Variants in RBFOX1 observed in about 807,000 individuals in gnomAD.
The protein encoded by RBFOX1 is RNA binding fox-1 homolog 1.
Under a neutral mutation model 57.7 loss-of-function variants are expected in RBFOX1, and 8 were observed. The ratio of observed to expected loss-of-function variants is 0.14; its 90% CI spans 0.08 to 0.25. The LOEUF is 0.25. Among genes scored for constraint, RBFOX1 ranks in the 10% least tolerant of loss-of-function variants. The pLI is 1.00. For synonymous variants in RBFOX1, 326 were observed against 222.4 expected (o/e 1.47, Z -4.15); for missense variants, 611 against 548.5 (o/e 1.11, Z -1.14).
At chr16:6,491,927 T>C (rs1044915489) in intron 2 of RBFOX1, among the ~76,000 whole-genome samples, 1 of 152,196 alleles carries the variant, frequency 6.6e-6, no homozygotes, top group Non-Finnish European at 1.5e-5. Context: ...ATAACTCTCC[T>C]ATTAGGATTA....
At chr16:6,005,195 G>C (rs556739577) in intron 4 of RBFOX1, among the ~76,000 whole-genome samples, 2 of 152,212 alleles carry the variant, frequency 1.3e-5, no homozygotes, top group East Asian at 1.9e-4. Flanking sequence ...TTTATATTTC[G>C]TTCAAATGTA....
chr16:7,283,695 T>C (rs1241413611), intron 4 of RBFOX1, among the ~76,000 whole-genome samples: 1 of 152,150 alleles, frequency 6.6e-6, no homozygotes, highest in Non-Finnish European at 1.5e-5. Context: ...TGTTGCTTCT[T>C]AGGGTCACCC....
At chr16:5,445,416 G>A (rs2151550289) in intron 1 of RBFOX1, among the ~76,000 whole-genome samples, 1 of 152,238 alleles carries the variant, frequency 6.6e-6, no homozygotes, top group Non-Finnish European at 1.5e-5. Context: ...TGGGGATCAT[G>A]TCTCTTATTT....
At chr16:7,565,801 T>C (rs2091530274) in intron 5 of RBFOX1, among the ~76,000 whole-genome samples, 1 of 152,132 alleles carries the variant, frequency 6.6e-6, no homozygotes. Context: ...TGAAGAGTTT[T>C]GTGCATGGAG....
intron 1 of RBFOX1, among the ~76,000 whole-genome samples, chr16:5,451,684 C>T (rs1368240500): frequency 6.6e-6 from 1 of 152,222 alleles, no homozygotes; most frequent in Non-Finnish European, 1.5e-5. Flanking sequence ...AGGAGAGAGA[C>T]ATCGTCCCTG....
intron 4 of RBFOX1, among the ~76,000 whole-genome samples, chr16:7,299,804 C>T (rs913324397): frequency 3.3e-5 from 5 of 152,202 alleles, no homozygotes; most frequent in African/African-American, 9.7e-5. Flanking sequence ...AAGAGAACTA[C>T]AGAATTCATG....
At chr16:5,486,193 G>A (rs2069725928) in intron 2 of RBFOX1, among the ~76,000 whole-genome samples, 1 of 152,208 alleles carries the variant, frequency 6.6e-6, no homozygotes, top group African/African-American at 2.4e-5. Context: ...AAGTCCTGGT[G>A]ATGGAGACTT....
intron 4 of RBFOX1, among the ~76,000 whole-genome samples, chr16:7,194,189 T>C (rs532811432): frequency 6.6e-6 from 1 of 152,366 alleles, no homozygotes; most frequent in South Asian, 2.1e-4. Flanking sequence ...GTGATCTCTG[T>C]TTTTAGTAAT....
intron 4 of RBFOX1, among the ~76,000 whole-genome samples, chr16:5,908,925 G>C (rs1242590463): frequency 6.6e-6 from 1 of 151,922 alleles, no homozygotes; most frequent in African/African-American, 2.4e-5. Flanking sequence ...GCAAGAAGCT[G>C]GCTGTCTGTC....
chr16:6,789,251 C>G (rs1308579400), intron 3 of RBFOX1, among the ~76,000 whole-genome samples: 2 of 152,120 alleles, frequency 1.3e-5, no homozygotes, highest in Non-Finnish European at 2.9e-5. Context: ...ATTTCCCAAG[C>G]CGCGATCCCC....
At chr16:6,708,954 T>C (rs1340430742) in intron 3 of RBFOX1, among the ~76,000 whole-genome samples, 2 of 151,732 alleles carry the variant, frequency 1.3e-5, no homozygotes, top group Admixed American at 6.6e-5. Context: ...CTAGTAGCGG[T>C]GGCTGGTTAA....
At chr16:6,193,998 T>C (rs1172783984) in intron 1 of RBFOX1, among the ~76,000 whole-genome samples, 1 of 152,236 alleles carries the variant, frequency 6.6e-6, no homozygotes, top group Non-Finnish European at 1.5e-5. Context: ...TCACACAACA[T>C]GCCTCTAAGC....
intron 4 of RBFOX1, among the ~76,000 whole-genome samples, chr16:7,212,082 A>G (rs1251454207): frequency 2.0e-5 from 3 of 152,086 alleles, no homozygotes; most frequent in Non-Finnish European, 2.9e-5. Context: ...AGTGATGATT[A>G]GTGGATGATC....
chr16:7,170,919 G>A (rs1209558932), intron 4 of RBFOX1, among the ~76,000 whole-genome samples: 1 of 152,170 alleles, frequency 6.6e-6, no homozygotes, highest in African/African-American at 2.4e-5. Context: ...CCATCTGGTT[G>A]GGTCTGTCTT....
intron 2 of RBFOX1, among the ~76,000 whole-genome samples, chr16:5,523,084 G>A (rs975305321): frequency 3.3e-5 from 5 of 151,994 alleles, no homozygotes; most frequent in African/African-American, 4.8e-5. Flanking sequence ...TCAGGAGTTC[G>A]AGACTAGCCT....
rs751611395 is a variant in RBFOX1 at position 7,587,235 on chromosome 16, A to G, written c.415-12A>G. On this transcript the variant is annotated splice_polypyrimidine_tract_variant and intron_variant, in intron 6 of 15. Transcript: ENST00000550418. ...CTCTTCTTGCTTATAAGATATTTCT[A>G]TTTCTTTGCAGCAATTTGGTAAAAT... 16 of 1,546,444 alleles carry G rather than the reference A, an allele frequency of 1.0e-5. No homozygotes were observed. Among genetic ancestry groups the G allele is most frequent in the Non-Finnish European group, 1.3e-5 (15 of 1,145,078 alleles).
At chr16:7,530,817 A>C (rs955035170) in intron 5 of RBFOX1, among the ~76,000 whole-genome samples, 1 of 152,244 alleles carries the variant, frequency 6.6e-6, no homozygotes, top group Non-Finnish European at 1.5e-5. Context: ...CTCAAGAGAC[A>C]GTAAGCCAGA....
At chr16:6,595,332 C>T (rs1370272701) in intron 2 of RBFOX1, among the ~76,000 whole-genome samples, 1 of 152,136 alleles carries the variant, frequency 6.6e-6, no homozygotes, top group Non-Finnish European at 1.5e-5. Flanking sequence ...TCATGTCTGG[C>T]TTCTTTACTA....
At chr16:5,748,441 G>A (rs928617606) in intron 3 of RBFOX1, among the ~76,000 whole-genome samples, 13 of 151,672 alleles carry the variant, frequency 8.6e-5, no homozygotes, top group East Asian at 1.9e-4. Flanking sequence ...GTTAACTTTC[G>A]TCTCGTGGAT....
Sources: allele counts gnomAD v4.1 joint callset (sites outside exome capture counted in the v4.1 genomes callset), GRCh38; gene constraint gnomAD v4.1.1; transcripts MANE v1.5; gene names NCBI Gene and HGNC (gene_info 2026-07-23, HGNC 2026-07-21).